The following MB21D2 variants were observed in gnomAD, a reference collection of about 807,000 sequenced individuals.
MB21D2 encodes Mab-21 domain containing 2, also known as nucleotidyltransferase MB21D2.
A neutral mutation model predicts 33.3 loss-of-function variants in MB21D2; 9 were observed. The ratio of observed to expected loss-of-function variants is 0.27; its 90% CI spans 0.16 to 0.47. The LOEUF is 0.47. Ranked by LOEUF, MB21D2 falls within the 20% of genes least tolerant of loss-of-function variation. The pLI, the probability that MB21D2 is intolerant of heterozygous loss-of-function variation, is 0.99. For synonymous variants in MB21D2, 241 were observed against 236.3 expected, an observed-to-expected ratio of 1.02 and a Z score of -0.18; for missense variants, 540 against 624.6, an observed-to-expected ratio of 0.86 and a Z score of 1.44.
chr3:192,864,421 G>A (rs1713122450), intron 1 of MB21D2, among the ~76,000 whole-genome samples: 1 of 152,172 alleles, frequency 6.6e-6, no homozygotes, highest in South Asian at 2.1e-4. Flanking sequence ...GTGCTGTCCA[G>A]GCTGCTCTTG....
chr3:192,902,343 G>A (rs1714121744), intron 1 of MB21D2, among the ~76,000 whole-genome samples: 1 of 152,202 alleles, frequency 6.6e-6, no homozygotes, highest in African/African-American at 2.4e-5. Context: ...AAGAGGGAAG[G>A]AGCCAGACTG....
Position 192,888,425 on chromosome 3 carries a change from A to G in MB21D2, c.211+29205T>C, listed in dbSNP as rs548271637. On this transcript the variant is annotated intron_variant, in intron 1 of 1. Coordinates refer to ENST00000392452, the MANE Select transcript of MB21D2 (RefSeq NM_178496.4). ...TCCATTAAAGAAATAACATTCATTA[A>G]AGCACGCGCGCTCCTAAGCAACCAT... Among the ~76,000 whole-genome samples the G allele has an allele frequency of 2.0e-4, 31 of 152,242 alleles. 1 individual carries two copies. The highest frequency in any genetic ancestry group is 7.5e-4 in the African/African-American group (31 of 41,492).
At chr3:192,905,803 A>T (rs1714204420) in intron 1 of MB21D2, among the ~76,000 whole-genome samples, 1 of 152,004 alleles carries the variant, frequency 6.6e-6, no homozygotes, top group Non-Finnish European at 1.5e-5. Flanking sequence ...ACTGCACCCC[A>T]GCCTGGGTGA....
chr3:192,883,304 G>T (rs527857174), intron 1 of MB21D2, among the ~76,000 whole-genome samples: 5 of 152,078 alleles, frequency 3.3e-5, no homozygotes, highest in African/African-American at 1.2e-4. Flanking sequence ...ATACATCTTT[G>T]CCATGTACTC....
chr3:192,852,747 T>G (rs1045693498), intron 1 of MB21D2, among the ~76,000 whole-genome samples: 13 of 152,192 alleles, frequency 8.5e-5, no homozygotes, highest in African/African-American at 2.9e-4. Context: ...GTCAGTTGAC[T>G]GGCAAATCCT....
chr3:192,869,422 GAC>G (rs574670850), intron 1 of MB21D2, among the ~76,000 whole-genome samples: 136 of 152,152 alleles, frequency 8.9e-4, no homozygotes, highest in African/African-American at 3.2e-3. Flanking sequence ...GGAGGAGACT[GAC>G]ACAGTGAATA....
At chr3:192,868,792 T>G (rs1299626811) in intron 1 of MB21D2, among the ~76,000 whole-genome samples, 1 of 152,142 alleles carries the variant, frequency 6.6e-6, no homozygotes, top group Non-Finnish European at 1.5e-5. Flanking sequence ...TACAATTCAC[T>G]GCCACATATA....
At chr3:192,816,497 G>A (rs750440418) in intron 1 of MB21D2, among the ~76,000 whole-genome samples, 1 of 152,010 alleles carries the variant, frequency 6.6e-6, no homozygotes, top group Non-Finnish European at 1.5e-5. Context: ...TTAGTTGCTG[G>A]ACTGGCTGCA....
At chr3:192,812,810 C>G (rs1711819091) in intron 1 of MB21D2, among the ~76,000 whole-genome samples, 1 of 152,162 alleles carries the variant, frequency 6.6e-6, no homozygotes, top group Non-Finnish European at 1.5e-5. Flanking sequence ...ATAGTGTGAT[C>G]TAAGATCAAA....
At chr3:192,842,397 C>G (rs1275945152) in intron 1 of MB21D2, among the ~76,000 whole-genome samples, 1 of 152,192 alleles carries the variant, frequency 6.6e-6, no homozygotes, top group Non-Finnish European at 1.5e-5. Context: ...GTCAAAGCAC[C>G]ACCATTCATG....
intron 1 of MB21D2, among the ~76,000 whole-genome samples, chr3:192,890,967 C>T (rs1364381719): frequency 1.3e-5 from 2 of 152,050 alleles, no homozygotes; most frequent in Non-Finnish European, 2.9e-5. Flanking sequence ...ATCTCCTACC[C>T]CAGTCTAGAG....
rs1055551494 is a variant in MB21D2, at chr3:192,831,808, A to T, written c.212-32158T>A. ...ACTACACAGAGATGGTGTAAGGATCAATGGAATAACAGATGAAAAGACTGG... is the reference window on the plus strand; with the variant it reads ...ACTACACAGAGATGGTGTAAGGATCTATGGAATAACAGATGAAAAGACTGG... On this transcript the variant is annotated intron_variant, in intron 1 of 1. Transcript: ENST00000392452. 2.0e-5 allele frequency among the ~76,000 whole-genome samples: 3 copies of T among 152,224 alleles called. No individual in the cohort carries two copies. In the East Asian group the frequency reaches 5.8e-4, roughly 29 times the overall value.
chr3:192,877,204 T>C lies in MB21D2; in HGVS notation c.211+40426A>G, dbSNP rs145529368. 7.5e-3 allele frequency among the ~76,000 whole-genome samples: 1,142 copies of C among 152,314 alleles called. 12 individuals are homozygous for C. Among genetic ancestry groups the C allele is most frequent in the African/African-American group, 0.026 (1,087 of 41,568 alleles). On this transcript the variant is annotated intron_variant, in intron 1 of 1. Transcript: ENST00000392452. ...TGAACACATACTTTCTTAGTTTATG[T>C]AACTTAAAAGATAGAAGAAATTCCT...
At chr3:192,905,931 T>C (rs1714207303) in intron 1 of MB21D2, among the ~76,000 whole-genome samples, 2 of 152,244 alleles carry the variant, frequency 1.3e-5, no homozygotes, top group African/African-American at 4.8e-5. Context: ...CTCAACCATT[T>C]AGTGACCTTG....
intron 1 of MB21D2, among the ~76,000 whole-genome samples, chr3:192,863,119 A>G (rs1000686296): frequency 9.9e-5 from 15 of 152,192 alleles, no homozygotes; most frequent in Admixed American, 1.3e-4. Context: ...CATAGCAATC[A>G]TTATAGAGGC....
intron 1 of MB21D2, among the ~76,000 whole-genome samples, chr3:192,896,811 C>T (rs571487373): frequency 2.0e-5 from 3 of 152,274 alleles, no homozygotes; most frequent in African/African-American, 7.2e-5. Context: ...AAAAAAGTTC[C>T]AGCGTTGGTG....
intron 1 of MB21D2, among the ~76,000 whole-genome samples, chr3:192,814,678 C>T (rs6444660): frequency 0.57 from 85,804 of 151,352 alleles, 24,541 homozygotes; most frequent in East Asian, 0.74. Flanking sequence ...CTGGCTAACA[C>T]GGTGAAACCC....
chr3:192,860,538 A>G (rs1346483079), intron 1 of MB21D2, among the ~76,000 whole-genome samples: 2 of 152,252 alleles, frequency 1.3e-5, no homozygotes, highest in African/African-American at 2.4e-5. Flanking sequence ...CACTTCTCCA[A>G]TCCACAGAAA....
At chr3:192,831,494 T>G (rs1488309653) in intron 1 of MB21D2, among the ~76,000 whole-genome samples, 1 of 152,224 alleles carries the variant, frequency 6.6e-6, no homozygotes, top group Non-Finnish European at 1.5e-5. Flanking sequence ...AACAGAAAGA[T>G]GGATCTGAGA....
Sources: allele counts gnomAD v4.1 joint callset (sites outside exome capture counted in the v4.1 genomes callset), GRCh38; gene constraint gnomAD v4.1.1; transcripts MANE v1.5; gene names NCBI Gene and HGNC (gene_info 2026-07-23, HGNC 2026-07-21).